CWC27: variants seen among roughly 807,000 people sequenced by gnomAD.
CWC27 encodes CWC27 spliceosome associated cyclophilin, also known as spliceosome-associated protein CWC27 homolog.
A neutral mutation model predicts 63.6 loss-of-function variants in CWC27; 47 were observed. The observed-to-expected ratio is 0.74, with a 90% CI of 0.58 to 0.94. The LOEUF (loss-of-function observed/expected upper bound fraction) is 0.94. Ranked by LOEUF, CWC27 falls within the 40% of genes least tolerant of loss-of-function variation. CWC27 has a pLI of 0.00. For missense variants in CWC27, 495 were observed against 554.3 expected (o/e 0.89, Z 1.07); for synonymous variants, 175 against 179.8 (o/e 0.97, Z 0.22).
intron 11 of CWC27, among the ~76,000 whole-genome samples, chr5:64,941,174 T>A (rs1748472230): frequency 6.6e-6 from 1 of 152,194 alleles, no homozygotes; most frequent in Non-Finnish European, 1.5e-5. Context: ...TATATTATAG[T>A]TTATTTCCCA....
chr5:64,821,301 T>C (rs1390673451), intron 10 of CWC27, among the ~76,000 whole-genome samples: 1 of 152,104 alleles, frequency 6.6e-6, no homozygotes, highest in African/African-American at 2.4e-5. Context: ...GCCAGGATGG[T>C]CTCAATGTCT....
chr5:64,999,574 G>A (rs530771123), intron 13 of CWC27, among the ~76,000 whole-genome samples: 11 of 152,206 alleles, frequency 7.2e-5, no homozygotes, highest in African/African-American at 2.4e-5. Context: ...ACATGTGAGT[G>A]AGAATATGCA....
At chr5:64,860,599 C>G (rs185372496) in intron 10 of CWC27, among the ~76,000 whole-genome samples, 1 of 152,282 alleles carries the variant, frequency 6.6e-6, no homozygotes, top group East Asian at 1.9e-4. Flanking sequence ...TCATTAGGAT[C>G]AGCTCTACTT....
At chr5:64,969,839 A>T (rs1184312056) in intron 11 of CWC27, among the ~76,000 whole-genome samples, 1 of 152,218 alleles carries the variant, frequency 6.6e-6, no homozygotes, top group Non-Finnish European at 1.5e-5. Context: ...GGCTCACTGA[A>T]GTGCCAACCA....
At chr5:64,906,660 A>G (rs910431640) in intron 11 of CWC27, among the ~76,000 whole-genome samples, 1 of 152,260 alleles carries the variant, frequency 6.6e-6, no homozygotes, top group African/African-American at 2.4e-5. Flanking sequence ...GCTGTGCAGA[A>G]GCTCTTTAGT....
At chr5:64,776,955 C>T (rs1743479657) in intron 2 of CWC27, among the ~76,000 whole-genome samples, 1 of 151,912 alleles carries the variant, frequency 6.6e-6, no homozygotes, top group Admixed American at 6.6e-5. Context: ...GTCTTTGCAG[C>T]ATAGTTAGGT....
At chr5:64,934,149 A>G (rs1360368546) in intron 11 of CWC27, among the ~76,000 whole-genome samples, 4 of 152,154 alleles carry the variant, frequency 2.6e-5, no homozygotes, top group Admixed American at 6.5e-5. Flanking sequence ...CATGTGCAGA[A>G]CGTGCAGGTT....
chr5:64,797,577 C>G (rs1488284371), intron 7 of CWC27, among the ~76,000 whole-genome samples: 1 of 152,044 alleles, frequency 6.6e-6, no homozygotes, highest in Admixed American at 6.6e-5. Context: ...TAGTGTAAAA[C>G]AAGGTTTTTC....
chr5:64,984,685 T>G (rs1242808231), intron 13 of CWC27, among the ~76,000 whole-genome samples: 1 of 152,234 alleles, frequency 6.6e-6, no homozygotes, highest in African/African-American at 2.4e-5. Context: ...GTTCTCTGTA[T>G]AATCTACATC....
chr5:64,845,694 G>C (rs571371473), intron 10 of CWC27, among the ~76,000 whole-genome samples: 1 of 152,118 alleles, frequency 6.6e-6, no homozygotes, highest in African/African-American at 2.4e-5. Context: ...GGACCAGAAA[G>C]ACAAAAGAGT....
chr5:64,860,741 G>A (rs1254985891), intron 10 of CWC27, among the ~76,000 whole-genome samples: 1 of 152,064 alleles, frequency 6.6e-6, no homozygotes, highest in African/African-American at 2.4e-5. Flanking sequence ...ATAACTTTAA[G>A]TACTTTGGTC....
Position 64,804,461 on chromosome 5 carries a change from CTT to C in CWC27, c.938+76_938+77del, listed in dbSNP as rs1440781615. The C allele has an allele frequency of 3.0e-6, 4 of 1,345,726 alleles. No homozygotes were observed. In the African/African-American group the frequency reaches 5.9e-5, roughly 20 times the overall value. The allele number at this position is 1,345,726 out of a possible 1,614,324, so 83.4% of individuals were successfully genotyped here. On this transcript the variant is annotated intron_variant, in intron 10 of 13. Transcript: ENST00000381070. ...CACTTTAATTCAGATTGAATCCTCT[CTT>C]CAGCTAATTTTTAAAATACTATTTT...
intron 13 of CWC27, among the ~76,000 whole-genome samples, chr5:65,012,792 G>T (rs1474394061): frequency 6.6e-6 from 1 of 152,188 alleles, no homozygotes; most frequent in Non-Finnish European, 1.5e-5. Context: ...CAAGGACAAA[G>T]GGCTAATGAA....
At position 64,829,115 on chromosome 5, in the gene CWC27, G is replaced by C. The variant is rs192190195; in HGVS notation, c.938+24729G>C. On this transcript the variant is annotated intron_variant, in intron 10 of 13. Transcript: ENST00000381070. ...AGATTGTATTATAACAGGATAGTTA[G>C]ATTGCTAATGTCATTTCTTATAAAA... Among the ~76,000 whole-genome samples, 13 of 152,246 alleles carry C rather than the reference G, an allele frequency of 8.5e-5. No homozygotes were observed. In the East Asian group the frequency reaches 2.5e-3, roughly 29 times the overall value.
intron 11 of CWC27, among the ~76,000 whole-genome samples, chr5:64,891,791 T>TGTTGTTGTC (rs1554022303): frequency 2.0e-5 from 3 of 151,632 alleles, no homozygotes; most frequent in African/African-American, 7.3e-5. Flanking sequence ...TTGTTGTTGT[T>TGTTGTTGTC]GTTGTTGTTG....
intron 10 of CWC27, among the ~76,000 whole-genome samples, chr5:64,875,575 A>C (rs1216813722): frequency 1.3e-5 from 2 of 152,158 alleles, no homozygotes; most frequent in Admixed American, 1.3e-4. Flanking sequence ...GAAAGAAAAT[A>C]AGCAATTCAC....
chr5:64,938,645 T>G (rs888902708), intron 11 of CWC27, among the ~76,000 whole-genome samples: 1 of 152,190 alleles, frequency 6.6e-6, no homozygotes, highest in Non-Finnish European at 1.5e-5. Context: ...AATTTGAATG[T>G]TGGCCTGCCT....
chr5:64,805,185 A>G (rs757124732), intron 10 of CWC27, among the ~76,000 whole-genome samples: 2 of 151,886 alleles, frequency 1.3e-5, no homozygotes, highest in Admixed American at 6.6e-5. Flanking sequence ...CTATCATTGC[A>G]TAGCTCCCTC....
At chr5:65,007,327 C>A (rs1269766607) in intron 13 of CWC27, among the ~76,000 whole-genome samples, 1 of 152,070 alleles carries the variant, frequency 6.6e-6, no homozygotes, top group East Asian at 1.9e-4. Flanking sequence ...GCTAAGGAGG[C>A]ATGACAACTA....
Sources: allele counts gnomAD v4.1 joint callset (sites outside exome capture counted in the v4.1 genomes callset), GRCh38; gene constraint gnomAD v4.1.1; transcripts MANE v1.5; gene names NCBI Gene and HGNC (gene_info 2026-07-23, HGNC 2026-07-21).